The following CERS5 variants were observed in gnomAD, a reference collection of about 807,000 sequenced individuals.
CERS5 encodes ceramide synthase 5, also known as LAG1 homolog, ceramide synthase 5.
Under a neutral mutation model 58.9 loss-of-function variants are expected in CERS5, and 37 were observed. The observed-to-expected ratio is 0.63, with a 90% CI of 0.48 to 0.83. CERS5 has a LOEUF of 0.83. Ranked by LOEUF, CERS5 falls within the 40% of genes least tolerant of loss-of-function variation. CERS5 has a pLI of 0.00. For synonymous variants in CERS5, 147 were observed against 177.8 expected, an observed-to-expected ratio of 0.83 and a Z score of 1.38; for missense variants, 398 against 489.3, an observed-to-expected ratio of 0.81 and a Z score of 1.76.
At chr12:50,162,596 T>G (rs1020884203) in intron 1 of CERS5, among the ~76,000 whole-genome samples, 1 of 145,632 alleles carries the variant, frequency 6.9e-6, no homozygotes, top group Admixed American at 6.7e-5. Context: ...TACCTCTTTA[T>G]CTCTCTCTCT....
At chr12:50,142,028 A>G in intron 4 of CERS5, 25 bp downstream of exon 4, 3 of 1,411,790 alleles carry the variant, frequency 2.1e-6, no homozygotes, top group Non-Finnish European at 3.0e-6. Context: ...AACCCAACAG[A>G]GGACTAGAGA....
intron 1 of CERS5, among the ~76,000 whole-genome samples, chr12:50,151,741 C>T (rs773552507): frequency 1.3e-5 from 2 of 152,218 alleles, no homozygotes; most frequent in Non-Finnish European, 2.9e-5. Flanking sequence ...CAACCTCCAC[C>T]TCCCAGGTTC....
intron 1 of CERS5, among the ~76,000 whole-genome samples, chr12:50,157,739 T>G (rs1938811662): frequency 6.6e-6 from 1 of 152,030 alleles, no homozygotes; most frequent in African/African-American, 2.4e-5. Context: ...AGATCAAACC[T>G]GAAACAATAA....
chr12:50,137,930 C>G, intron 5 of CERS5, 110 bp from the exon 6 acceptor site: 4 of 699,850 alleles, frequency 5.7e-6, no homozygotes, highest in Non-Finnish European at 1.0e-5. Flanking sequence ...AGACATCTCT[C>G]CTCCCCATTA....
intron 1 of CERS5, among the ~76,000 whole-genome samples, chr12:50,149,893 C>G (rs1472285654): frequency 1.3e-5 from 2 of 152,112 alleles, no homozygotes; most frequent in Non-Finnish European, 2.9e-5. Flanking sequence ...CAGGCGTGCA[C>G]CACCATGCCC....
intron 1 of CERS5, among the ~76,000 whole-genome samples, chr12:50,153,374 G>T (rs1440116626): frequency 7.1e-6 from 1 of 140,652 alleles, no homozygotes; most frequent in Non-Finnish European, 1.5e-5. Context: ...CTGCCTCCTG[G>T]GTTCAAGCGA....
intron 1 of CERS5, among the ~76,000 whole-genome samples, chr12:50,152,148 G>A (rs2138183993): frequency 6.6e-6 from 1 of 152,258 alleles, no homozygotes; most frequent in African/African-American, 2.4e-5. Context: ...GCAGATCCCT[G>A]AGGGTTCCTG....
chr12:50,148,896 C>T (rs1256823597), intron 1 of CERS5, among the ~76,000 whole-genome samples: 1 of 75,724 alleles, frequency 1.3e-5, no homozygotes, highest in East Asian at 3.3e-4. Context: ...CGGAGCGAGA[C>T]TCCATCTCAA....
intron 1 of CERS5, among the ~76,000 whole-genome samples, chr12:50,149,991 C>T (rs186273636): frequency 8.5e-5 from 13 of 152,300 alleles, no homozygotes; most frequent in Admixed American, 8.5e-4. Context: ...GATCTGCCTG[C>T]CTCGCCTCCC....
intron 1 of CERS5, among the ~76,000 whole-genome samples, chr12:50,159,991 G>C (rs1398016178): frequency 6.6e-6 from 1 of 152,046 alleles, no homozygotes; most frequent in African/African-American, 2.4e-5. Flanking sequence ...TATGTCAAAA[G>C]TACTGTCAAT....
In CERS5 at chr12:50,132,933, C is replaced by G. The variant is rs768147185; in HGVS notation, c.1029+1613G>C. 4 of 1,288,594 alleles carry G rather than the reference C, an allele frequency of 3.1e-6. No homozygotes were observed. The South Asian group carries it at 4.9e-5, about 16-fold the overall frequency. The allele number at this position is 1,288,594 out of a possible 1,614,324, so 79.8% of individuals were successfully genotyped here. The stretch of plus-strand genomic sequence containing the variant: ...ACCACATTCAGATGGACATGCCTCA[C>G]TGAATACTAGAAGCACAGATACACT... On this transcript the variant is annotated intron_variant, in intron 9 of 9. Coordinates refer to ENST00000317551, the MANE Select transcript of CERS5 (RefSeq NM_147190.5).
rs2138334611 is a variant in CERS5, at chr12:50,167,198, C to G, written c.100G>C (p.Gly34Arg). 3 of 1,607,084 alleles carry G rather than the reference C, an allele frequency of 1.9e-6. No individual in the cohort carries two copies. The South Asian group carries it at 3.3e-5, about 18-fold the overall frequency. ...PENVSWADLE[G>R]PADGYGYPRG... is the part of the protein sequence containing the mutation. ...GGGTAACCGTAGCCGTCGGCCGGCC[C>G]CTCCAGATCAGCCCAGCTCACGTTC... is the stretch of plus-strand genomic sequence containing the variant. Residue 34 changes from glycine (G) to arginine (R), a missense_variant, in exon 1 of 10, where the codon GGG (glycine) becomes CGG (arginine). Coordinates refer to ENST00000317551, the MANE Select transcript of CERS5 (RefSeq NM_147190.5).
rs55762917 is a variant in CERS5 at position 50,156,420 on chromosome 12, C to CTATATATA, written c.197+10673_197+10680dup. On this transcript the variant is annotated intron_variant, in intron 1 of 9. Transcript: ENST00000317551. ...CTCTGTCTCAAAACAAACAAACAAA[C>CTATATATA]TATATATATATATATATAAAACAAT... 2.6e-3 allele frequency among the ~76,000 whole-genome samples: 202 copies of CTATATATA among 77,346 alleles called. 27 individuals are homozygous for CTATATATA. The highest frequency in any genetic ancestry group is 9.7e-3 in the African/African-American group (188 of 19,386). The allele number at this position is 77,346 out of a possible 152,430, so 50.7% of individuals were successfully genotyped here.
At chr12:50,163,043 T>C (rs150536872) in intron 1 of CERS5, among the ~76,000 whole-genome samples, 6 of 152,044 alleles carry the variant, frequency 3.9e-5, no homozygotes, top group African/African-American at 1.4e-4. Context: ...GGACTACAGA[T>C]GCATGCCACC....
chr12:50,133,444 G>T (rs774938355), intron 9 of CERS5: 28 of 1,001,566 alleles, frequency 2.8e-5, no homozygotes, highest in Non-Finnish European at 3.3e-5. Context: ...CACTAGTGGG[G>T]TGAGGTGGGT....
At position 50,135,933 on chromosome 12, in the gene CERS5, GT is replaced by G. The variant is rs1409272888; in HGVS notation, c.765+7del. 2 of 1,549,340 alleles carry G rather than the reference GT, an allele frequency of 1.3e-6. No individual in the cohort carries two copies. Among genetic ancestry groups the G allele is most frequent in the African/African-American group, 1.4e-5 (1 of 72,338 alleles). On this transcript the variant is annotated splice_region_variant and intron_variant, in intron 7 of 9. Coordinates refer to ENST00000317551, the MANE Select transcript of CERS5 (RefSeq NM_147190.5). ...AAGAAGATGGAGAAAGAGAGATTGGGTTTTTACCTCCAGCAAGAAGTCTGAG... is the reference window on the plus strand; with the variant it reads ...AAGAAGATGGAGAAAGAGAGATTGGGTTTTACCTCCAGCAAGAAGTCTGAG...
chr12:50,138,659 C>T (rs772085684), intron 4 of CERS5, 42 bp from the exon 5 acceptor site: 22 of 1,550,334 alleles, frequency 1.4e-5, no homozygotes, highest in Admixed American at 6.7e-5. Context: ...TCAAGATTCT[C>T]ACCTGGCTTC....
chr12:50,136,435 T>C (rs571489103), intron 6 of CERS5, among the ~76,000 whole-genome samples: 157 of 151,158 alleles, frequency 1.0e-3, no homozygotes, highest in Non-Finnish European at 1.8e-3. Context: ...ATCGCGCCAC[T>C]GCACTCCAGC....
In CERS5 at chr12:50,130,532, T is replaced by C. The variant is rs2137971395; in HGVS notation, c.*13A>G. On this transcript the variant is annotated 3_prime_UTR_variant, in exon 10 of 10. Transcript: ENST00000317551. ...ACAAGTCCATGTGTGCTGAAGTCCC[T>C]ATAGCAACCACCTTACTCTTCAGCC... The C allele has an allele frequency of 1.9e-6, 3 of 1,584,684 alleles. No homozygotes were observed. The highest frequency in any genetic ancestry group is 2.6e-6 in the Non-Finnish European group (3 of 1,158,000).
Sources: gnomAD v4.1 joint callset for allele counts (sites outside exome capture counted in the v4.1 genomes callset) on GRCh38, gnomAD v4.1.1 for gene constraint, MANE v1.5 for transcripts, NCBI Gene and HGNC (gene_info 2026-07-23, HGNC 2026-07-21) for gene names.